CENPP: variants seen among roughly 807,000 people sequenced by gnomAD.
CENPP encodes the protein centromere protein P.
A neutral mutation model predicts 35.6 loss-of-function variants in CENPP; 24 were observed. The observed-to-expected ratio is 0.67, with a 90% CI of 0.49 to 0.95. CENPP has a LOEUF of 0.95. Ranked by LOEUF, CENPP falls within the 40% of genes least tolerant of loss-of-function variation. CENPP has a pLI of 0.00. For synonymous variants in CENPP, 120 were observed against 125.5 expected (o/e 0.96, Z 0.29); for missense variants, 332 against 345.3 (o/e 0.96, Z 0.31).
At chr9:92,457,068 A>G in intron 5 of CENPP, 1 of 1,323,644 alleles carries the variant, frequency 7.6e-7, no homozygotes, top group South Asian at 2.0e-5. Context: ...GTACGCAAAA[A>G]GAAACTGCAA....
chr9:92,433,729 C>T (rs1381568278), intron 5 of CENPP, among the ~76,000 whole-genome samples: 1 of 151,924 alleles, frequency 6.6e-6, no homozygotes, highest in Admixed American at 6.6e-5. Flanking sequence ...GTCAGAACTT[C>T]GAGACCAGCG....
At chr9:92,515,138 C>T in intron 5 of CENPP, 1 of 1,611,330 alleles carries the variant, frequency 6.2e-7, no homozygotes. Flanking sequence ...TCTCTTTGTT[C>T]TGAAGAATCA....
intron 5 of CENPP, among the ~76,000 whole-genome samples, chr9:92,501,448 G>A (rs1434935732): frequency 6.6e-6 from 1 of 152,220 alleles, no homozygotes; most frequent in Non-Finnish European, 1.5e-5. Flanking sequence ...TCTGGTTCCA[G>A]CAAGGAAGTT....
chr9:92,452,898 T>C (rs960383159), intron 5 of CENPP, among the ~76,000 whole-genome samples: 11 of 152,262 alleles, frequency 7.2e-5, no homozygotes, highest in Non-Finnish European at 1.5e-4. Context: ...GAGGTGTTTG[T>C]AGTATGCTCT....
At chr9:92,502,542 C>G in intron 5 of CENPP, 1 of 1,612,760 alleles carries the variant, frequency 6.2e-7, no homozygotes, top group South Asian at 1.1e-5. Flanking sequence ...AAGGAGCAAT[C>G]CTATTTTCTT....
In CENPP at chr9:92,618,274, G is replaced by A. The variant is rs1450031372; in HGVS notation, c.*5125G>A. ...ACACCCTAGGTCTGAGAAGCCACAT[G>A]GCTCAGTGCCTTCAGGACATGCCCT... On this transcript the variant is annotated 3_prime_UTR_variant, in exon 8 of 8. Transcript: ENST00000375587. The A allele has an allele frequency of 6.6e-6, 3 of 456,578 alleles. No homozygotes were observed. The highest frequency in any genetic ancestry group is 1.3e-5 in the Non-Finnish European group (3 of 226,972). The allele number at this position is 456,578 out of a possible 1,614,324, so 28.3% of individuals were successfully genotyped here.
chr9:92,468,046 A>T (rs1201292731), intron 5 of CENPP, among the ~76,000 whole-genome samples: 3 of 152,184 alleles, frequency 2.0e-5, no homozygotes, highest in African/African-American at 7.2e-5. Context: ...CCTTTTAGTG[A>T]TGAGGAAATG....
intron 5 of CENPP, chr9:92,384,229 A>G (rs1472381313): frequency 6.6e-6 from 1 of 152,178 alleles, no homozygotes; most frequent in Non-Finnish European, 1.5e-5. Flanking sequence ...AGATGCTTTA[A>G]TGAAAAATGT....
rs201059123 is a variant in CENPP, at chr9:92,579,275, G to A, written c.565-32039G>A. The stretch of plus-strand genomic sequence containing the variant: ...GTTCTTTTGGCTTAGGATTGACTTG[G>A]CGATGAGGGCTCTTTTTTGGTTCCA... On this transcript the variant is annotated intron_variant, in intron 5 of 7. Transcript: ENST00000375587. Among the ~76,000 whole-genome samples, 731 of 150,118 alleles carry A rather than the reference G, an allele frequency of 4.9e-3. 38 individuals are homozygous for A. The East Asian group carries it at 0.11, about 23-fold the overall frequency.
chr9:92,545,000 C>T (rs1218408484), intron 5 of CENPP, among the ~76,000 whole-genome samples: 2 of 152,118 alleles, frequency 1.3e-5, no homozygotes, highest in Admixed American at 1.3e-4. Flanking sequence ...CTGGGATTAC[C>T]GGTGTGAGCA....
At chr9:92,596,597 C>T (rs1392362859) in intron 5 of CENPP, among the ~76,000 whole-genome samples, 1 of 151,926 alleles carries the variant, frequency 6.6e-6, no homozygotes, top group Non-Finnish European at 1.5e-5. Flanking sequence ...TTCCAATTTG[C>T]TCAGAAATGG....
chr9:92,612,960 C>CA, intron 7 of CENPP, 59 bp from the exon 8 acceptor site: 3 of 1,607,060 alleles, frequency 1.9e-6, no homozygotes, highest in Non-Finnish European at 2.6e-6. Context: ...CAGCAGAAAA[C>CA]AAAAGACCAA....
chr9:92,581,029 A>G (rs1025762634), intron 5 of CENPP, among the ~76,000 whole-genome samples: 2 of 152,122 alleles, frequency 1.3e-5, no homozygotes, highest in African/African-American at 2.4e-5. Context: ...TTCAAAGAAC[A>G]TCTTTATTTC....
At chr9:92,501,985 G>T (rs1310839075) in intron 5 of CENPP, among the ~76,000 whole-genome samples, 1 of 152,224 alleles carries the variant, frequency 6.6e-6, no homozygotes, top group Non-Finnish European at 1.5e-5. Flanking sequence ...TTGAGGTGAA[G>T]AAATAGTTTG....
chr9:92,587,674 G>C (rs1169856369), intron 5 of CENPP, among the ~76,000 whole-genome samples: 1 of 152,206 alleles, frequency 6.6e-6, no homozygotes, highest in African/African-American at 2.4e-5. Context: ...TTAGATTGGT[G>C]GGTGGTGGTT....
At position 92,326,096 on chromosome 9, in the gene CENPP, C is replaced by A; in HGVS notation, c.98C>A (p.Ser33Tyr). Reference protein sequence around the residue: ...EDPPAPWEEKSRVQKSFQAIH... With the variant: ...EDPPAPWEEKYRVQKSFQAIH... ...CCACCGGCGCCCTGGGAAGAGAAGT[C>A]CCGAGTCCAGTACGTGACCACCCCA... Residue 33 changes from serine (S) to tyrosine (Y), a missense_variant, in exon 1 of 8, where the codon TCC becomes TAC. Transcript: ENST00000375587. 6.5e-7 allele frequency: 1 copy of A among 1,549,500 alleles called. No individual in the cohort carries two copies. The highest frequency in any genetic ancestry group is 1.2e-5 in the South Asian group (1 of 83,716).
At chr9:92,422,928 T>C (rs1317599878) in intron 5 of CENPP, among the ~76,000 whole-genome samples, 2 of 152,352 alleles carry the variant, frequency 1.3e-5, no homozygotes, top group Admixed American at 6.5e-5. Context: ...AGCAATATTG[T>C]ATAATTCATT....
chr9:92,412,975 CTTTTTTTTTTTT>C (rs35323105), intron 5 of CENPP, among the ~76,000 whole-genome samples: 2 of 45,244 alleles, frequency 4.4e-5, no homozygotes, highest in African/African-American at 2.0e-4. Flanking sequence ...TGTAACTAAG[CTTTTTTTTTTTT>C]TTTTTTTTTT....
intron 5 of CENPP, among the ~76,000 whole-genome samples, chr9:92,449,776 T>C (rs2131018976): frequency 6.6e-6 from 1 of 152,188 alleles, no homozygotes; most frequent in East Asian, 1.9e-4. Flanking sequence ...CCAAGTGAAA[T>C]GCTGCTCCCC....
Sources: allele counts gnomAD v4.1 joint callset (sites outside exome capture counted in the v4.1 genomes callset), GRCh38; gene constraint gnomAD v4.1.1; transcripts MANE v1.5; gene names NCBI Gene and HGNC (gene_info 2026-07-23, HGNC 2026-07-21).